The following MARCHF1 variants were observed in gnomAD, a reference collection of about 807,000 sequenced individuals.
The protein encoded by MARCHF1 is membrane associated ring-CH-type finger 1, also known as E3 ubiquitin-protein ligase MARCHF1.
In MARCHF1, 40 loss-of-function variants were observed where a neutral mutation model predicts 54.2. That is an observed-to-expected ratio of 0.74 (90% CI 0.57 to 0.96). The LOEUF is 0.96. MARCHF1 is among the 40% of genes least tolerant of loss of function. The pLI is 0.00. For missense variants in MARCHF1, 586 were observed against 656.5 expected (o/e 0.89, Z 1.17); for synonymous variants, 236 against 236.3 (o/e 1.00, Z 0.01).
rs575758406 is a variant in MARCHF1 at position 163,528,660 on chromosome 4, A to C, written c.*88T>G. 26 of 1,318,498 alleles carry C rather than the reference A, an allele frequency of 2.0e-5. No homozygotes were observed. The South Asian group carries it at 2.6e-4, about 13-fold the overall frequency. 81.7% of individuals were successfully genotyped at this position (1,318,498 alleles called of 1,614,324 possible). A position where few individuals can be genotyped will look rare whatever the true frequency, so the allele number is the denominator to read the frequency against. The stretch of plus-strand genomic sequence containing the variant: ...GTAGGAGAAAGGAGGAGCTGAAGGG[A>C]GTAAATAATTCAAGATCACTTCTGT... On this transcript the variant is annotated 3_prime_UTR_variant, in exon 10 of 10. Coordinates refer to ENST00000514618, the MANE Select transcript of MARCHF1 (RefSeq NM_001394959.1).
chr4:163,615,705 T>C (rs1015062169), intron 5 of MARCHF1, among the ~76,000 whole-genome samples: 12 of 152,046 alleles, frequency 7.9e-5, no homozygotes, highest in African/African-American at 2.7e-4. Flanking sequence ...AGCAAATTAT[T>C]TGAAGAAATA....
At chr4:163,719,098 G>T (rs538552466) in intron 4 of MARCHF1, among the ~76,000 whole-genome samples, 2 of 152,150 alleles carry the variant, frequency 1.3e-5, no homozygotes, top group South Asian at 4.1e-4. Context: ...TGTTACATAC[G>T]TATACATGGG....
At chr4:164,018,573 C>T (rs1393917434) in intron 2 of MARCHF1, among the ~76,000 whole-genome samples, 5 of 151,760 alleles carry the variant, frequency 3.3e-5, no homozygotes, top group African/African-American at 7.3e-5. Flanking sequence ...ATAAGCATAT[C>T]GAAAATGCCC....
At chr4:163,566,022 T>C (rs573007573) in intron 8 of MARCHF1, among the ~76,000 whole-genome samples, 3 of 152,184 alleles carry the variant, frequency 2.0e-5, no homozygotes, top group Non-Finnish European at 4.4e-5. Context: ...CCTACATTAT[T>C]GAACATGCTT....
chr4:163,948,977 G>A (rs4449375), intron 3 of MARCHF1, among the ~76,000 whole-genome samples: 1 of 152,156 alleles, frequency 6.6e-6, no homozygotes, highest in African/African-American at 2.4e-5. Context: ...TACTGTCACA[G>A]GATCCTTTGG....
intron 2 of MARCHF1, among the ~76,000 whole-genome samples, chr4:164,040,563 G>A (rs1014479198): frequency 6.6e-6 from 1 of 150,976 alleles, no homozygotes; most frequent in Non-Finnish European, 1.5e-5. Flanking sequence ...TAAAAAATAG[G>A]CTTCAGAATG....
At chr4:163,740,548 T>C (rs764598924) in intron 4 of MARCHF1, among the ~76,000 whole-genome samples, 3 of 152,176 alleles carry the variant, frequency 2.0e-5, no homozygotes, top group Non-Finnish European at 2.9e-5. Flanking sequence ...TTCAGTGGGT[T>C]GTGTAACTGG....
intron 5 of MARCHF1, among the ~76,000 whole-genome samples, chr4:163,632,415 G>A (rs962253803): frequency 2.6e-5 from 4 of 152,188 alleles, no homozygotes; most frequent in Non-Finnish European, 4.4e-5. Flanking sequence ...GAAGCAGGGC[G>A]AGGCATTGCC....
At chr4:163,939,164 C>T (rs944042355) in intron 3 of MARCHF1, among the ~76,000 whole-genome samples, 2 of 152,242 alleles carry the variant, frequency 1.3e-5, no homozygotes, top group Non-Finnish European at 2.9e-5. Flanking sequence ...ATAAATAGAA[C>T]TCTCAGTCTT....
At chr4:164,197,517 C>G in intron 1 of MARCHF1, 1 of 1,613,530 alleles carries the variant, frequency 6.2e-7, no homozygotes, top group Non-Finnish European at 8.5e-7. Context: ...CAAGCTTTCT[C>G]AACTTTAACT....
At chr4:163,673,124 C>T (rs1743793277) in intron 5 of MARCHF1, among the ~76,000 whole-genome samples, 1 of 152,138 alleles carries the variant, frequency 6.6e-6, no homozygotes, top group Non-Finnish European at 1.5e-5. Flanking sequence ...TGTAATTCAG[C>T]CAACCACATA....
chr4:163,703,430 C>T (rs1013559324), intron 4 of MARCHF1, among the ~76,000 whole-genome samples: 7 of 152,152 alleles, frequency 4.6e-5, no homozygotes, highest in African/African-American at 1.7e-4. Flanking sequence ...CAATTTGCTA[C>T]TAATTAATTG....
intron 1 of MARCHF1, among the ~76,000 whole-genome samples, chr4:164,166,606 CT>C (rs1407784403): frequency 6.6e-6 from 1 of 151,918 alleles, no homozygotes; most frequent in Non-Finnish European, 1.5e-5. Context: ...GATGTCCACT[CT>C]GACCACTTCT....
chr4:164,180,241 T>G (rs990275579), intron 1 of MARCHF1, among the ~76,000 whole-genome samples: 3 of 152,080 alleles, frequency 2.0e-5, no homozygotes, highest in African/African-American at 7.2e-5. Flanking sequence ...GCACTGATAA[T>G]TTTATTGGAT....
chr4:163,895,069 G>T lies in MARCHF1; in HGVS notation c.-38-40900C>A, dbSNP rs372946494. Among the ~76,000 whole-genome samples, 19 of 152,076 alleles carry T rather than the reference G, an allele frequency of 1.2e-4. 1 individual carries two copies. The East Asian group carries it at 3.7e-3, about 29-fold the overall frequency. On this transcript the variant is annotated intron_variant, in intron 3 of 9. Transcript: ENST00000514618. Reference sequence around the variant, plus strand: ...ATATATGCATGTGATGCATAAATATGCATGTGATGCATATATATGTGCATG... The same window carrying T: ...ATATATGCATGTGATGCATAAATATTCATGTGATGCATATATATGTGCATG...
At chr4:163,945,527 G>T (rs1271857454) in intron 3 of MARCHF1, among the ~76,000 whole-genome samples, 2 of 152,066 alleles carry the variant, frequency 1.3e-5, no homozygotes, top group African/African-American at 4.8e-5. Flanking sequence ...AAACAGCCTA[G>T]GTCTTTCTGA....
rs568081449 is a variant in MARCHF1, at chr4:164,198,355, G to A, written c.-322-86693C>T. On this transcript the variant is annotated intron_variant, in intron 1 of 9. Coordinates refer to ENST00000514618, the MANE Select transcript of MARCHF1 (RefSeq NM_001394959.1). Reference sequence around the variant, plus strand: ...ATCTAACTAGGTTTAGATACGGCAAGTGGTAGAGGAATAAAATTTGAGTGG... The same window carrying A: ...ATCTAACTAGGTTTAGATACGGCAAATGGTAGAGGAATAAAATTTGAGTGG... Among the ~76,000 whole-genome samples the A allele has an allele frequency of 9.2e-5, 14 of 152,286 alleles. No individual in the cohort carries two copies. In the South Asian group the frequency reaches 2.3e-3, roughly 25 times the overall value.
At chr4:164,114,617 G>A (rs1469253029) in intron 1 of MARCHF1, among the ~76,000 whole-genome samples, 1 of 151,164 alleles carries the variant, frequency 6.6e-6, no homozygotes, top group Non-Finnish European at 1.5e-5. Flanking sequence ...GTTATATTTT[G>A]CTATTTTTCC....
rs1278239721 is a variant in MARCHF1, at chr4:164,317,963, A to G, written c.-323+65907T>C. Among the ~76,000 whole-genome samples the G allele has an allele frequency of 2.6e-5, 4 of 152,258 alleles. No individual in the cohort carries two copies. In the East Asian group the frequency reaches 7.7e-4, roughly 29 times the overall value. On this transcript the variant is annotated intron_variant, in intron 1 of 9. Transcript: ENST00000514618. ...TGAGGCACTTTTATCCAGGCTAAAA[A>G]TGATTTTCAGGATTTGGTAACCAGT... is the stretch of plus-strand genomic sequence containing the variant.
Sources: allele counts gnomAD v4.1 joint callset (sites outside exome capture counted in the v4.1 genomes callset), GRCh38; gene constraint gnomAD v4.1.1; transcripts MANE v1.5; gene names NCBI Gene and HGNC (gene_info 2026-07-23, HGNC 2026-07-21).